The following INTS3 variants were observed in gnomAD, a reference collection of about 807,000 sequenced individuals.
The protein encoded by INTS3 is SOSS complex subunit A.
Under a neutral mutation model 146.3 loss-of-function variants are expected in INTS3, and 34 were observed. The ratio of observed to expected loss-of-function variants is 0.23; its 90% CI spans 0.18 to 0.31. The LOEUF (loss-of-function observed/expected upper bound fraction) is 0.31, where lower values mean the gene tolerates loss of function less well. INTS3 is among the 10% of genes least tolerant of loss of function. The probability of loss-of-function intolerance (pLI) is 1.00; values close to 1 mark genes in which losing one functional copy is unlikely to be tolerated. For synonymous variants in INTS3, 475 were observed against 494.9 expected (o/e 0.96, Z 0.53); for missense variants, 757 against 1,304.2 (o/e 0.58, Z 6.46).
intron 4 of INTS3, 59 bp downstream of exon 4, chr1:153,747,129 T>C (rs1038013878): frequency 7.2e-7 from 1 of 1,392,044 alleles, no homozygotes; most frequent in Middle Eastern, 1.8e-4. Flanking sequence ...ATCTTCTCTC[T>C]GTCAGGAACG....
At position 153,759,486 on chromosome 1, in the gene INTS3, T is replaced by G. The variant is rs373144387; in HGVS notation, c.1150-40T>G. On this transcript the variant is annotated intron_variant, in intron 10 of 29. Transcript: ENST00000318967. ...GGACTCTGAAATGGAGGGGGGTGATTGATGAAACTAGCCCTCTGTTTCTCC... is the reference window on the plus strand; with the variant it reads ...GGACTCTGAAATGGAGGGGGGTGATGGATGAAACTAGCCCTCTGTTTCTCC... 4.4e-5 allele frequency: 59 copies of G among 1,326,210 alleles called. No individual in the cohort carries two copies. The African/African-American group carries it at 7.4e-4, about 17-fold the overall frequency. The allele number at this position is 1,326,210 out of a possible 1,614,324, so 82.2% of individuals were successfully genotyped here.
chr1:153,729,254 C>G (rs1670975079), intron 1 of INTS3, among the ~76,000 whole-genome samples: 1 of 152,088 alleles, frequency 6.6e-6, no homozygotes, highest in African/African-American at 2.4e-5. Context: ...AACCAATTGC[C>G]AGTGATGTTA....
rs759080578 is a variant in INTS3, at chr1:153,773,212, C to T, written c.3071C>T (p.Pro1024Leu). Residue 1024 changes from proline to leucine, a missense_variant, in exon 30 of 30, where the codon CCG (proline) becomes CTG (leucine). This residue lies in a region of INTS3 where 125 missense variants were observed against 165.6 expected (regional missense o/e 0.75). Coordinates refer to ENST00000318967, the MANE Select transcript of INTS3 (RefSeq NM_023015.5). ...SSASEEEDTK[P>L]KPTKRKRKGS... ...TTCCAGGAAGAGGAAGACACGAAAC[C>T]GAAGCCTACCAAGCGGAAACGAAAA... 3 of 1,613,902 alleles carry T rather than the reference C, an allele frequency of 1.9e-6. No homozygotes were observed. The highest frequency in any genetic ancestry group is 2.7e-5 in the African/African-American group (2 of 74,860).
At chr1:153,749,230 G>C (rs1671867176) in intron 6 of INTS3, among the ~76,000 whole-genome samples, 2 of 152,228 alleles carry the variant, frequency 1.3e-5, no homozygotes, top group Middle Eastern at 6.8e-3. Flanking sequence ...TTGCATATAG[G>C]GTTTGGAGGT....
At chr1:153,738,228 A>G (rs1436535716) in intron 1 of INTS3, among the ~76,000 whole-genome samples, 4 of 152,056 alleles carry the variant, frequency 2.6e-5, no homozygotes, top group Non-Finnish European at 2.9e-5. Context: ...CCTCCTGAGT[A>G]ACTGGGACCA....
At chr1:153,748,564 C>A in intron 5 of INTS3, 125 bp from the exon 6 acceptor site, 1 of 795,774 alleles carries the variant, frequency 1.3e-6, no homozygotes. Context: ...CAGTTTATCT[C>A]AGCAGTGAAG....
At chr1:153,731,174 A>G (rs1671045447) in intron 1 of INTS3, among the ~76,000 whole-genome samples, 1 of 152,122 alleles carries the variant, frequency 6.6e-6, no homozygotes, top group Non-Finnish European at 1.5e-5. Flanking sequence ...CGCCCACAAG[A>G]AGGTAAAAAA....
At chr1:153,740,573 G>A (rs1307386943) in intron 1 of INTS3, 78 bp from the exon 2 acceptor site, 1 of 1,090,734 alleles carries the variant, frequency 9.2e-7, no homozygotes, top group Non-Finnish European at 1.4e-6. Context: ...GGTTTGAATT[G>A]TTAAACTTTT....
At position 153,762,770 on chromosome 1, in the gene INTS3, T is replaced by C. The variant is rs1161116638; in HGVS notation, c.1559T>C (p.Met520Thr). 1.5e-5 allele frequency: 25 copies of C among 1,614,014 alleles called. No homozygotes were observed. Among genetic ancestry groups the C allele is most frequent in the Non-Finnish European group, 2.0e-5 (24 of 1,180,026 alleles). Residue 520 changes from methionine (M) to threonine (T), a missense_variant, in exon 15 of 30, where the codon ATG (methionine) becomes ACG (threonine). Transcript: ENST00000318967. The stretch of plus-strand genomic sequence containing the variant: ...GTTTCCATGGAGATGGACAACCATA[T>C]GTCGGATAAGGATGAGAGTTGCTAT... ...EPVSMEMDNHMSDKDESCYDN... is the reference protein window; with the variant it reads ...EPVSMEMDNHTSDKDESCYDN...
chr1:153,749,271 A>G (rs1021353507), intron 6 of INTS3, among the ~76,000 whole-genome samples: 1 of 152,112 alleles, frequency 6.6e-6, no homozygotes, highest in Non-Finnish European at 1.5e-5. Flanking sequence ...CAGGGGGTAC[A>G]TATTGGGCTT....
intron 1 of INTS3, among the ~76,000 whole-genome samples, chr1:153,736,451 CTT>C (rs34888528): frequency 3.4e-5 from 5 of 145,430 alleles, no homozygotes; most frequent in Admixed American, 1.4e-4. Flanking sequence ...GTCTTTTATC[CTT>C]TTTTTTTTTT....
At chr1:153,760,452 C>A in intron 12 of INTS3, 62 bp downstream of exon 12, 1 of 1,379,266 alleles carries the variant, frequency 7.3e-7, no homozygotes, top group African/African-American at 1.4e-5. Flanking sequence ...TGTATCTCCC[C>A]TAATCTCCCA....
chr1:153,751,267 G>A lies in INTS3; in HGVS notation c.729+28G>A, dbSNP rs1210813586. 11 of 1,610,942 alleles carry A rather than the reference G, an allele frequency of 6.8e-6. No individual in the cohort carries two copies. The South Asian group carries it at 9.9e-5, about 14-fold the overall frequency. On this transcript the variant is annotated intron_variant, in intron 7 of 29. Transcript: ENST00000318967. ...GAGGGAACAGGACAAAAATAATGTG[G>A]GGAAGTGAGACTCAGGCTAAGATAC... is the stretch of plus-strand genomic sequence containing the variant.
intron 6 of INTS3, 27 bp downstream of exon 6, chr1:153,748,782 A>G (rs989212007): frequency 3.2e-6 from 5 of 1,582,784 alleles, no homozygotes; most frequent in Non-Finnish European, 4.3e-6. Context: ...AGGGTGGGGT[A>G]CAGGCCAGAT....
At chr1:153,751,985 C>T (rs1671974199) in intron 7 of INTS3, 1 of 375,588 alleles carries the variant, frequency 2.7e-6, no homozygotes, top group African/African-American at 2.2e-5. Flanking sequence ...CTTTAATCTT[C>T]CTTGAACTGG....
Position 153,773,269 on chromosome 1 carries a change from G to C in INTS3, c.3128G>C (p.Ter1043SerextTer18), listed in dbSNP as rs764613480. 1 of 1,613,808 alleles carries C rather than the reference G, an allele frequency of 6.2e-7. No homozygotes were observed. Among genetic ancestry groups the C allele is most frequent in the East Asian group, 2.2e-5 (1 of 44,850 alleles). ...GSSAVGSDSD[*>S] ...TCTGCAGTGGGCTCTGACAGTGACT[G>C]AGGCCCTGCATTCCCCATCCCACCC... Residue 1043 changes from the stop codon to serine, a stop_lost, in exon 30 of 30, where the codon TGA (stop) becomes TCA (serine). Coordinates refer to ENST00000318967, the MANE Select transcript of INTS3 (RefSeq NM_023015.5).
intron 23 of INTS3, 126 bp from the exon 24 acceptor site, chr1:153,770,061 GTGTGTGTGTGT>G: frequency 1.9e-4 from 3 of 15,518 alleles, no homozygotes; most frequent in East Asian, 5.0e-4. Flanking sequence ...GGATTGGGGT[GTGTGTGTGTGT>G]GTGTGTGTGT....
At chr1:153,731,901 C>CTTTTTTT (rs34353204) in intron 1 of INTS3, among the ~76,000 whole-genome samples, 5 of 65,280 alleles carry the variant, frequency 7.7e-5, no homozygotes, top group East Asian at 5.2e-4. Flanking sequence ...CTTTTTTTAA[C>CTTTTTTT]TTTTTTTTTT....
intron 1 of INTS3, among the ~76,000 whole-genome samples, chr1:153,733,877 A>G (rs1206101150): frequency 6.6e-6 from 1 of 152,130 alleles, no homozygotes; most frequent in East Asian, 1.9e-4. Flanking sequence ...TGTTGGGACT[A>G]CAGGCGTGAG....
Sources: gnomAD v4.1 joint callset for allele counts (sites outside exome capture counted in the v4.1 genomes callset) on GRCh38, gnomAD v4.1.1 for gene constraint, gnomAD v4.1.1 regional missense constraint, MANE v1.5 for transcripts, NCBI Gene and HGNC (gene_info 2026-07-23, HGNC 2026-07-21) for gene names.